Variants in PTPRM observed in about 807,000 individuals in gnomAD.
PTPRM encodes protein tyrosine phosphatase receptor type M.
A neutral mutation model predicts 186.7 loss-of-function variants in PTPRM; 47 were observed. That is an observed-to-expected ratio of 0.25 (90% CI 0.20 to 0.32). The LOEUF is 0.32. Ranked by LOEUF, PTPRM falls within the 10% of genes least tolerant of loss-of-function variation. PTPRM has a pLI of 1.00. For missense variants in PTPRM, 1,494 were observed against 1,865.0 expected (o/e 0.80, Z 3.66); for synonymous variants, 668 against 674.9 (o/e 0.99, Z 0.16).
intron 1 of PTPRM, among the ~76,000 whole-genome samples, chr18:7,717,914 C>T (rs1023924693): frequency 1.2e-4 from 18 of 152,252 alleles, no homozygotes; most frequent in East Asian, 1.9e-4. Context: ...ACTCCAGTTC[C>T]CGCACCTGTT....
chr18:7,941,985 A>T (rs761769896), intron 5 of PTPRM, among the ~76,000 whole-genome samples: 1 of 152,214 alleles, frequency 6.6e-6, no homozygotes, highest in Non-Finnish European at 1.5e-5. Flanking sequence ...AGATAAACAC[A>T]TAAAAAATTA....
At chr18:7,937,074 C>T (rs2051860387) in intron 5 of PTPRM, among the ~76,000 whole-genome samples, 2 of 152,214 alleles carry the variant, frequency 1.3e-5, no homozygotes, top group Admixed American at 1.3e-4. Flanking sequence ...AGCTCCTGTT[C>T]ACCTTACTCA....
intron 19 of PTPRM, among the ~76,000 whole-genome samples, chr18:8,281,102 C>T (rs1003332531): frequency 2.0e-5 from 3 of 152,278 alleles, no homozygotes; most frequent in African/African-American, 4.8e-5. Context: ...GAAGGAAGGG[C>T]CCCCTGCTCA....
At chr18:8,077,005 C>T (rs2089856913) in intron 9 of PTPRM, among the ~76,000 whole-genome samples, 1 of 152,104 alleles carries the variant, frequency 6.6e-6, no homozygotes, top group Non-Finnish European at 1.5e-5. Context: ...AGAATAATAT[C>T]TTTTGGTTTC....
intron 14 of PTPRM, among the ~76,000 whole-genome samples, chr18:8,224,445 G>A (rs1267411416): frequency 6.6e-6 from 1 of 152,210 alleles, no homozygotes; most frequent in Admixed American, 6.5e-5. Flanking sequence ...AGTCTCTTCA[G>A]TGGCTTCATA....
intron 2 of PTPRM, among the ~76,000 whole-genome samples, chr18:7,839,972 A>G (rs1361218315): frequency 6.6e-6 from 1 of 151,422 alleles, no homozygotes; most frequent in Non-Finnish European, 1.5e-5. Context: ...ACAAGGCAGC[A>G]CTGAGTTTAG....
intron 1 of PTPRM, among the ~76,000 whole-genome samples, chr18:7,640,560 G>A (rs2038421035): frequency 6.6e-6 from 1 of 152,056 alleles, no homozygotes; most frequent in Non-Finnish European, 1.5e-5. Flanking sequence ...GCAGCCAATT[G>A]GTGTGGTTAG....
chr18:8,030,051 G>A (rs1402352919), intron 7 of PTPRM, among the ~76,000 whole-genome samples: 1 of 151,754 alleles, frequency 6.6e-6, no homozygotes, highest in Non-Finnish European at 1.5e-5. Flanking sequence ...CAAGAGCACA[G>A]GTGCCACCAT....
At chr18:8,149,631 C>G (rs1490525950) in intron 14 of PTPRM, among the ~76,000 whole-genome samples, 3 of 152,160 alleles carry the variant, frequency 2.0e-5, no homozygotes, top group Non-Finnish European at 4.4e-5. Context: ...TTAATTGGAG[C>G]ATTTAGCCCA....
In PTPRM at chr18:7,951,481, T is replaced by C. The variant is rs376221508; in HGVS notation, c.838+2126T>C. Among the ~76,000 whole-genome samples, 76 of 152,278 alleles carry C rather than the reference T, an allele frequency of 5.0e-4. 1 individual carries two copies. In the South Asian group the frequency reaches 0.016, roughly 31 times the overall value. On this transcript the variant is annotated intron_variant, in intron 6 of 32. Coordinates refer to ENST00000580170, the MANE Select transcript of PTPRM (RefSeq NM_001105244.2). ...AATTTGTTGGAAGTTATAAGTAAAT[T>C]ATAAATTTCTAGTCTACCTGAACAA...
intron 2 of PTPRM, among the ~76,000 whole-genome samples, chr18:7,885,601 G>C (rs2048744676): frequency 6.6e-6 from 1 of 152,140 alleles, no homozygotes. Flanking sequence ...TCCTCTATGA[G>C]TTAATCTGCA....
intron 2 of PTPRM, among the ~76,000 whole-genome samples, chr18:7,796,836 C>G (rs2043684164): frequency 6.6e-6 from 1 of 152,218 alleles, no homozygotes; most frequent in South Asian, 2.1e-4. Context: ...TGAGCCTGAG[C>G]ATGCCAGCCT....
At chr18:7,751,667 T>G (rs2041222295) in intron 1 of PTPRM, among the ~76,000 whole-genome samples, 1 of 152,208 alleles carries the variant, frequency 6.6e-6, no homozygotes, top group Admixed American at 6.5e-5. Context: ...TATACAGTTC[T>G]TTACTGATGG....
intron 5 of PTPRM, among the ~76,000 whole-genome samples, chr18:7,927,394 A>G (rs1425719095): frequency 1.3e-5 from 2 of 151,306 alleles, no homozygotes; most frequent in African/African-American, 4.9e-5. Flanking sequence ...TCTTTTAAGC[A>G]TTAATCTGGA....
At position 8,378,337 on chromosome 18, in the gene PTPRM, C is replaced by T; in HGVS notation, c.3535C>T (p.Gln1179Ter). The T allele has an allele frequency of 6.2e-7, 1 of 1,613,642 alleles. No individual in the cohort carries two copies. Among genetic ancestry groups the T allele is most frequent in the Non-Finnish European group, 8.5e-7 (1 of 1,179,540 alleles). ...LCGDTSVPAS[Q>*]VRSLYYDMNK... ...TGGGGACACCTCTGTGCCTGCTTCC[C>T]AAGTTAGGTCTCTGTATTATGACAT... The change falls in exon 27 of 33, where the codon CAA (glutamine) becomes TAA (stop). Residue 1179 changes from glutamine to a stop codon, truncating the protein, a stop_gained. Transcript: ENST00000580170. LOFTEE classifies it high-confidence loss of function.
rs34903203 is a variant in PTPRM, at chr18:8,054,298, A to AATATATATATATATATATATATATAT, written c.1133-15364_1133-15363insATATATATATATATATATATATATAT. On this transcript the variant is annotated intron_variant, in intron 7 of 32. Coordinates refer to ENST00000580170, the MANE Select transcript of PTPRM (RefSeq NM_001105244.2). ...AGTAGTAATATATACTAGTAGTAGTAATATATATATATATATATATATATT... is the reference window on the plus strand; with the variant it reads ...AGTAGTAATATATACTAGTAGTAGTAATATATATATATATATATATATATATATATATATATATATATATATATATT... 1.1e-3 allele frequency among the ~76,000 whole-genome samples: 143 copies of AATATATATATATATATATATATATAT among 131,552 alleles called. 3 individuals carry two copies. Among genetic ancestry groups the AATATATATATATATATATATATATAT allele is most frequent in the African/African-American group, 4.5e-3 (137 of 30,656 alleles). 86.3% of individuals were successfully genotyped at this position (131,552 alleles called of 152,430 possible).
intron 2 of PTPRM, among the ~76,000 whole-genome samples, chr18:7,796,420 A>T (rs990877529): frequency 4.6e-5 from 7 of 152,254 alleles, no homozygotes; most frequent in African/African-American, 1.7e-4. Context: ...CACATGGTTC[A>T]AAAAGTGTGG....
intron 1 of PTPRM, among the ~76,000 whole-genome samples, chr18:7,605,330 G>T (rs1006280032): frequency 6.6e-6 from 1 of 152,048 alleles, no homozygotes; most frequent in East Asian, 1.9e-4. Flanking sequence ...AAGCAGAAAG[G>T]CTGTGCTTAT....
At chr18:8,081,744 T>C (rs2090140584) in intron 9 of PTPRM, among the ~76,000 whole-genome samples, 2 of 152,274 alleles carry the variant, frequency 1.3e-5, no homozygotes, top group African/African-American at 4.8e-5. Context: ...TGGATGGGTC[T>C]GAGATGGGGA....
Sources: allele counts gnomAD v4.1 joint callset (sites outside exome capture counted in the v4.1 genomes callset), GRCh38; gene constraint gnomAD v4.1.1; transcripts MANE v1.5; gene names NCBI Gene and HGNC (gene_info 2026-07-23, HGNC 2026-07-21).